The following TMEM123 variants were observed in gnomAD, a reference collection of about 807,000 sequenced individuals.
TMEM123 encodes the protein transmembrane protein 123, also known as porimin.
In TMEM123, 16 loss-of-function variants were observed where a neutral mutation model predicts 19.7. The ratio of observed to expected loss-of-function variants is 0.81; its 90% CI spans 0.55 to 1.23. TMEM123 has a LOEUF of 1.23. Among genes scored for constraint, TMEM123 ranks in the 50% most tolerant of loss-of-function variants. TMEM123 has a pLI of 0.00. For missense variants in TMEM123, 313 were observed against 257.8 expected (o/e 1.21, Z -1.47); for synonymous variants, 118 against 99.4 (o/e 1.19, Z -1.12).
chr11:102,442,029 T>C (rs945897996), intron 2 of TMEM123, among the ~76,000 whole-genome samples: 36 of 152,164 alleles, frequency 2.4e-4, no homozygotes, highest in African/African-American at 7.5e-4. Context: ...ACTAGACCAA[T>C]ATCAGGCTCT....
At chr11:102,424,188 A>T (rs1397598959) in intron 2 of TMEM123, among the ~76,000 whole-genome samples, 1 of 152,220 alleles carries the variant, frequency 6.6e-6, no homozygotes, top group Non-Finnish European at 1.5e-5. Context: ...AAGCCATCTG[A>T]AGCCACTCAA....
chr11:102,443,705 T>C (rs1052472169), intron 2 of TMEM123, among the ~76,000 whole-genome samples: 2 of 152,126 alleles, frequency 1.3e-5, no homozygotes, highest in African/African-American at 4.8e-5. Context: ...TGGGATCTAA[T>C]TAAACTGAAG....
In TMEM123 at chr11:102,402,191, A is replaced by G; in HGVS notation, c.173T>C (p.Val58Ala). Residue 58 changes from valine to alanine, a missense_variant, in exon 3 of 5, where the codon GTG becomes GCG. Coordinates refer to ENST00000398136, the MANE Select transcript of TMEM123 (RefSeq NM_052932.3). ...AGTTTCATTTGTATGGTCAGAAGGCACATGTTGGAGAGTCTCTGCAATAAT... is the reference window on the plus strand; with the variant it reads ...AGTTTCATTTGTATGGTCAGAAGGCGCATGTTGGAGAGTCTCTGCAATAAT... ...SANSTETLQH[V>A]PSDHTNETSN... The G allele has an allele frequency of 6.2e-7, 1 of 1,613,994 alleles. No individual in the cohort carries two copies. The highest frequency in any genetic ancestry group is 8.5e-7 in the Non-Finnish European group (1 of 1,179,904).
At position 102,448,289 on chromosome 11, in the gene TMEM123, C is replaced by T. The variant is rs184864569; in HGVS notation, c.157+523G>A. The stretch of plus-strand genomic sequence containing the variant: ...CATCAGCCTGGTTCTTGCATCTTTC[C>T]ATGTTAGTGAACTCAGAGGCCCAAG... On this transcript the variant is annotated intron_variant, in intron 2 of 4. Coordinates refer to ENST00000398136, the MANE Select transcript of TMEM123 (RefSeq NM_052932.3). The T allele has an allele frequency of 3.1e-4, 141 of 456,160 alleles. 2 individuals carry two copies. In the East Asian group the frequency reaches 9.3e-3, roughly 30 times the overall value. The allele number at this position is 456,160 out of a possible 1,614,324, so 28.3% of individuals were successfully genotyped here.
chr11:102,402,949 CT>C (rs1019518570), intron 2 of TMEM123, among the ~76,000 whole-genome samples: 12 of 152,130 alleles, frequency 7.9e-5, no homozygotes, highest in African/African-American at 2.7e-4. Context: ...CTGAGTTTTT[CT>C]TTTTTGGGGG....
intron 2 of TMEM123, among the ~76,000 whole-genome samples, chr11:102,407,515 C>G (rs1372554924): frequency 1.3e-5 from 2 of 152,172 alleles, no homozygotes; most frequent in Non-Finnish European, 1.5e-5. Context: ...ACTCACAGTA[C>G]TTCAGAATGT....
At chr11:102,438,218 A>C (rs1857786011) in intron 2 of TMEM123, among the ~76,000 whole-genome samples, 1 of 151,958 alleles carries the variant, frequency 6.6e-6, no homozygotes, top group Admixed American at 6.6e-5. Context: ...ACACCCAGCT[A>C]ATTTTTGTAT....
intron 4 of TMEM123, 72 bp from the exon 5 acceptor site, chr11:102,398,963 T>C: frequency 7.4e-7 from 1 of 1,356,824 alleles, no homozygotes; most frequent in Non-Finnish European, 1.0e-6. Context: ...TCCTATTTGT[T>C]AGTAAAGTAG....
At chr11:102,401,061 T>C (rs577659629) in intron 4 of TMEM123, among the ~76,000 whole-genome samples, 1 of 152,126 alleles carries the variant, frequency 6.6e-6, no homozygotes, top group East Asian at 1.9e-4. Flanking sequence ...AATGATAAAT[T>C]ATATTATTTA....
intron 2 of TMEM123, 134 bp downstream of exon 2, chr11:102,448,678 T>G: frequency 1.3e-6 from 1 of 750,156 alleles, no homozygotes; most frequent in Non-Finnish European, 2.3e-6. Flanking sequence ...TAGGGCAGGT[T>G]ATTGGGATTC....
intron 2 of TMEM123, among the ~76,000 whole-genome samples, chr11:102,403,129 A>G: frequency 6.6e-6 from 1 of 151,824 alleles, no homozygotes; most frequent in East Asian, 1.9e-4. Flanking sequence ...TCCTGCCTTG[A>G]CCTCCTGAGT....
At chr11:102,406,990 AGCTGAAGG>A (rs1029738620) in intron 2 of TMEM123, among the ~76,000 whole-genome samples, 1 of 151,994 alleles carries the variant, frequency 6.6e-6, no homozygotes, top group African/African-American at 2.4e-5. Context: ...CTGCACCAAG[AGCTGAAGG>A]GGGAGGCTTA....
intron 2 of TMEM123, among the ~76,000 whole-genome samples, chr11:102,414,345 CAGA>C (rs1952027595): frequency 6.6e-6 from 1 of 152,140 alleles, no homozygotes; most frequent in Non-Finnish European, 1.5e-5. Context: ...TCAGGAAACT[CAGA>C]AAACTCCTGC....
chr11:102,427,762 C>T (rs552911694), intron 2 of TMEM123, among the ~76,000 whole-genome samples: 65 of 148,674 alleles, frequency 4.4e-4, no homozygotes, highest in Non-Finnish European at 7.0e-4. Context: ...CACTGGAACC[C>T]GGGAGGCAGA....
intron 4 of TMEM123, among the ~76,000 whole-genome samples, chr11:102,400,906 A>T (rs1276408860): frequency 6.6e-6 from 1 of 152,220 alleles, no homozygotes; most frequent in Non-Finnish European, 1.5e-5. Flanking sequence ...AAGACTCAAA[A>T]AAACAAAAAC....
At chr11:102,435,806 C>A (rs571867905) in intron 2 of TMEM123, among the ~76,000 whole-genome samples, 30 of 151,900 alleles carry the variant, frequency 2.0e-4, no homozygotes, top group African/African-American at 7.0e-4. Context: ...TGATTCCATT[C>A]ATATGAAAGT....
rs576536451 is a variant in TMEM123 at position 102,433,325 on chromosome 11, C to T, written c.157+15487G>A. On this transcript the variant is annotated intron_variant, in intron 2 of 4. Transcript: ENST00000398136. ...AGCCCACCTCTTGCATCAGCACGAT[C>T]TGGATATGAGACAGAGTCATAGGAA... Among the ~76,000 whole-genome samples the T allele has an allele frequency of 5.7e-4, 87 of 152,110 alleles. 1 individual carries two copies. The South Asian group carries it at 0.015, about 27-fold the overall frequency.
chr11:102,438,635 C>T (rs1591565601), intron 2 of TMEM123, among the ~76,000 whole-genome samples: 1 of 152,150 alleles, frequency 6.6e-6, no homozygotes, highest in East Asian at 1.9e-4. Flanking sequence ...CCAAGATGGC[C>T]GAATAGGAAC....
chr11:102,409,658 C>T (rs1243994222), intron 2 of TMEM123, among the ~76,000 whole-genome samples: 2 of 152,012 alleles, frequency 1.3e-5, no homozygotes, highest in African/African-American at 2.4e-5. Context: ...GCAGATCACC[C>T]GAGTCAGGAA....
Sources: gnomAD v4.1 joint callset for allele counts (sites outside exome capture counted in the v4.1 genomes callset) on GRCh38, gnomAD v4.1.1 for gene constraint, MANE v1.5 for transcripts, NCBI Gene and HGNC (gene_info 2026-07-23, HGNC 2026-07-21) for gene names.